The following DOCK8 variants were observed in gnomAD, a reference collection of about 807,000 sequenced individuals.
DOCK8 encodes the protein dedicator of cytokinesis 8.
Under a neutral mutation model 245.6 loss-of-function variants are expected in DOCK8, and 141 were observed. The observed-to-expected ratio is 0.57, with a 90% confidence interval of 0.50 to 0.66. The LOEUF is 0.66. Among genes scored for constraint, DOCK8 ranks in the 30% least tolerant of loss-of-function variants. The probability of loss-of-function intolerance (pLI) is 0.00; values close to 1 mark genes in which losing one functional copy is unlikely to be tolerated. For synonymous variants in DOCK8, 1,168 were observed against 970.2 expected (o/e 1.20, Z -3.79); for missense variants, 2,965 against 2,603.4 (o/e 1.14, Z -3.02).
At chr9:295,812 G>T (rs1367121729) in intron 4 of DOCK8, among the ~76,000 whole-genome samples, 5 of 152,130 alleles carry the variant, frequency 3.3e-5, no homozygotes, top group Non-Finnish European at 5.9e-5. Context: ...TAGAGTAATG[G>T]CCACTTGTGT....
chr9:214,238 A>G, upstream of DOCK8: 1 of 448,570 alleles, frequency 2.2e-6, no homozygotes, highest in Non-Finnish European at 4.0e-6. Context: ...ATAAACCTGG[A>G]CGCAGCGTAC....
intron 26 of DOCK8, among the ~76,000 whole-genome samples, chr9:400,602 T>C (rs111216837): frequency 0.057 from 323 of 5,692 alleles, no homozygotes; most frequent in Admixed American, 0.069. Context: ...ACCTCCACCA[T>C]CACCACCACC....
In DOCK8 at chr9:367,927, C is replaced by T. The variant is rs1040035353; in HGVS notation, c.1680-91C>T. On this transcript the variant is annotated intron_variant, in intron 14 of 47. Coordinates refer to ENST00000432829, the MANE Select transcript of DOCK8 (RefSeq NM_203447.4). ...GGAAAAACTTCTTTGGAAAAAGCAC[C>T]CCATGAATGGAAGTCTCAGCATTTG... 6.6e-6 allele frequency: 7 copies of T among 1,067,778 alleles called. No individual in the cohort carries two copies. The African/African-American group carries it at 9.4e-5, about 14-fold the overall frequency. 66.1% of individuals were successfully genotyped at this position (1,067,778 alleles called of 1,614,324 possible).
chr9:327,337 G>A (rs1280877164), intron 8 of DOCK8, among the ~76,000 whole-genome samples: 2 of 151,622 alleles, frequency 1.3e-5, no homozygotes, highest in Non-Finnish European at 2.9e-5. Flanking sequence ...TATGCATGTG[G>A]TGACTTGTAT....
chr9:361,255 GACTT>G (rs2052715021), intron 14 of DOCK8, among the ~76,000 whole-genome samples: 1 of 152,090 alleles, frequency 6.6e-6, no homozygotes, highest in African/African-American at 2.4e-5. Context: ...GAGGCAGAGA[GACTT>G]ACACAAATTA....
chr9:270,748 G>C (rs928998373), intron 1 of DOCK8, among the ~76,000 whole-genome samples: 1 of 152,198 alleles, frequency 6.6e-6, no homozygotes, highest in African/African-American at 2.4e-5. Flanking sequence ...TTGATCCTCA[G>C]TAATCTCTGT....
chr9:280,239 T>C (rs180849538), intron 2 of DOCK8, among the ~76,000 whole-genome samples: 107 of 152,248 alleles, frequency 7.0e-4, no homozygotes, highest in African/African-American at 2.4e-3. Context: ...TGACCAGAAG[T>C]CTGAAAAAAA....
intron 1 of DOCK8, among the ~76,000 whole-genome samples, chr9:268,964 C>T (rs1249136812): frequency 1.3e-5 from 2 of 152,188 alleles, no homozygotes. Flanking sequence ...CACTTGGAGA[C>T]AAAATCTGAG....
At chr9:221,307 G>C (rs1223054286) in intron 1 of DOCK8, among the ~76,000 whole-genome samples, 1 of 152,124 alleles carries the variant, frequency 6.6e-6, no homozygotes, top group Non-Finnish European at 1.5e-5. Flanking sequence ...AGATAGGAAA[G>C]GGCAGCCGGC....
chr9:355,192 CTTTTTT>C (rs749045514), intron 14 of DOCK8, among the ~76,000 whole-genome samples: 52,481 of 120,890 alleles, frequency 0.43, 14,330 homozygotes, highest in East Asian at 0.75. Flanking sequence ...TGTTTCTTTT[CTTTTTT>C]TTTTTTTTTT....
chr9:258,541 C>T (rs1199575927), intron 1 of DOCK8, among the ~76,000 whole-genome samples: 1 of 150,826 alleles, frequency 6.6e-6, no homozygotes, highest in Non-Finnish European at 1.5e-5. Context: ...TTTCAAAATT[C>T]CAGGAGACTT....
chr9:341,972 G>T (rs1022884135), intron 14 of DOCK8, among the ~76,000 whole-genome samples: 3 of 152,118 alleles, frequency 2.0e-5, no homozygotes, highest in Non-Finnish European at 4.4e-5. Context: ...ATATTCTGTC[G>T]CTGTCTGCCA....
intron 1 of DOCK8, among the ~76,000 whole-genome samples, chr9:264,651 A>G (rs1294664463): frequency 6.6e-6 from 1 of 152,224 alleles, no homozygotes; most frequent in East Asian, 1.9e-4. Context: ...ATGGATAGAG[A>G]TCTATAGATA....
intron 1 of DOCK8, among the ~76,000 whole-genome samples, chr9:256,872 G>A (rs112666042): frequency 0.026 from 3,939 of 151,946 alleles, 171 homozygotes; most frequent in African/African-American, 0.087. Flanking sequence ...GTGCACACTC[G>A]ATGAATACTT....
At chr9:335,832 A>C (rs889562558) in intron 11 of DOCK8, among the ~76,000 whole-genome samples, 11 of 152,180 alleles carry the variant, frequency 7.2e-5, no homozygotes, top group African/African-American at 2.7e-4. Context: ...AAGAAATTCT[A>C]ATTCAACATC....
intron 4 of DOCK8, among the ~76,000 whole-genome samples, chr9:302,790 C>T (rs2049614998): frequency 6.6e-6 from 1 of 152,106 alleles, no homozygotes; most frequent in African/African-American, 2.4e-5. Context: ...ATCAAAACCA[C>T]AGTGTGATAC....
rs189735724 is a variant in DOCK8, at chr9:329,042, C to T, written c.1044+871C>T. ...TCGGCTCACTGCAACCTCCACCTCCCGGGTTCAAACGATTCTCCTGCCTCA... is the reference window on the plus strand; with the variant it reads ...TCGGCTCACTGCAACCTCCACCTCCTGGGTTCAAACGATTCTCCTGCCTCA... On this transcript the variant is annotated intron_variant, in intron 9 of 47. Transcript: ENST00000432829. Among the ~76,000 whole-genome samples, 17 of 150,322 alleles carry T rather than the reference C, an allele frequency of 1.1e-4. No individual in the cohort carries two copies. In the East Asian group the frequency reaches 2.9e-3, roughly 26 times the overall value.
chr9:230,498 T>C (rs111467034), intron 1 of DOCK8, among the ~76,000 whole-genome samples: 11,493 of 151,310 alleles, frequency 0.076, 479 homozygotes, highest in African/African-American at 0.12. Context: ...AATGGTTGAA[T>C]TAGTTTACAG....
Position 390,667 on chromosome 9 carries a change from C to T in DOCK8, c.2970+101C>T. 2.6e-6 allele frequency: 3 copies of T among 1,133,236 alleles called. No individual in the cohort carries two copies. In the Admixed American group the frequency reaches 5.5e-5, roughly 21 times the overall value. The allele number at this position is 1,133,236 out of a possible 1,614,324, so 70.2% of individuals were successfully genotyped here. ...TTCACTGAGTTGCCCCTGCTGAAAA[C>T]CTGGGGTGGTTTCTTGAAATCTAAT... On this transcript the variant is annotated intron_variant, in intron 24 of 47. Transcript: ENST00000432829.
Sources: gnomAD v4.1 joint callset for allele counts (sites outside exome capture counted in the v4.1 genomes callset) on GRCh38, gnomAD v4.1.1 for gene constraint, MANE v1.5 for transcripts, NCBI Gene and HGNC (gene_info 2026-07-23, HGNC 2026-07-21) for gene names.